The following RGS7 variants were observed in gnomAD, a reference collection of about 807,000 sequenced individuals.
RGS7 encodes the protein regulator of G protein signaling 7, also known as regulator of G-protein signaling 7.
A neutral mutation model predicts 81.1 loss-of-function variants in RGS7; 27 were observed. The ratio of observed to expected loss-of-function variants is 0.33; its 90% CI spans 0.25 to 0.46. RGS7 has a LOEUF of 0.46. RGS7 is among the 20% of genes least tolerant of loss of function. The pLI, the probability that RGS7 is intolerant of heterozygous loss-of-function variation, is 1.00. For missense variants in RGS7, 396 were observed against 607.4 expected, an observed-to-expected ratio of 0.65 and a Z score of 3.66; for synonymous variants, 208 against 207.7, an observed-to-expected ratio of 1.00 and a Z score of -0.01.
intron 2 of RGS7, among the ~76,000 whole-genome samples, chr1:241,101,248 C>T (rs2064714339): frequency 6.6e-6 from 1 of 152,188 alleles, no homozygotes; most frequent in Non-Finnish European, 1.5e-5. Context: ...GTAATCCCAG[C>T]ACTTTGGGAG....
chr1:240,834,488 C>T (rs1213173655), intron 9 of RGS7, among the ~76,000 whole-genome samples: 2 of 151,992 alleles, frequency 1.3e-5, no homozygotes, highest in Non-Finnish European at 2.9e-5. Context: ...TGGTTTAATT[C>T]TTTATTTTTA....
At chr1:240,961,384 G>T (rs1266227592) in intron 4 of RGS7, among the ~76,000 whole-genome samples, 2 of 152,052 alleles carry the variant, frequency 1.3e-5, no homozygotes, top group Admixed American at 6.6e-5. Context: ...TGTACATATG[G>T]ATGAATAACA....
chr1:241,336,155 A>G (rs920274327), intron 2 of RGS7, among the ~76,000 whole-genome samples: 4 of 152,118 alleles, frequency 2.6e-5, no homozygotes, highest in Non-Finnish European at 5.9e-5. Flanking sequence ...AGGAGTAGAG[A>G]GGCTAAAATA....
intron 2 of RGS7, among the ~76,000 whole-genome samples, chr1:241,213,512 G>C (rs2074372354): frequency 6.6e-6 from 1 of 152,166 alleles, no homozygotes. Flanking sequence ...GGAATTTTTA[G>C]TGCTCTTTTT....
At chr1:240,906,280 C>G (rs922333548) in intron 6 of RGS7, among the ~76,000 whole-genome samples, 18 of 152,266 alleles carry the variant, frequency 1.2e-4, no homozygotes, top group African/African-American at 4.3e-4. Flanking sequence ...ATTAAATGCC[C>G]TCCCAGGGTA....
chr1:241,114,049 G>T (rs974193820), intron 2 of RGS7, among the ~76,000 whole-genome samples: 1 of 152,082 alleles, frequency 6.6e-6, no homozygotes, highest in African/African-American at 2.4e-5. Flanking sequence ...TATCTTTTGG[G>T]AAACTGAGTA....
At chr1:241,343,143 C>T (rs1044467932) in intron 2 of RGS7, among the ~76,000 whole-genome samples, 4 of 151,814 alleles carry the variant, frequency 2.6e-5, no homozygotes, top group Admixed American at 6.6e-5. Flanking sequence ...GCACCTGTAG[C>T]CCCAGCTACT....
intron 3 of RGS7, among the ~76,000 whole-genome samples, chr1:241,019,009 C>A (rs1057029970): frequency 1.3e-5 from 2 of 152,086 alleles, no homozygotes; most frequent in Non-Finnish European, 2.9e-5. Flanking sequence ...CTTTCCCCTG[C>A]GAAGGCCATG....
intron 2 of RGS7, among the ~76,000 whole-genome samples, chr1:241,294,322 T>TG (rs768915324): frequency 2.0e-5 from 3 of 151,358 alleles, no homozygotes; most frequent in African/African-American, 4.9e-5. Flanking sequence ...ACCTAATGCA[T>TG]GGGGGCTTAA....
At chr1:240,835,199 A>C (rs1295059021) in intron 9 of RGS7, among the ~76,000 whole-genome samples, 1 of 152,192 alleles carries the variant, frequency 6.6e-6, no homozygotes, top group Non-Finnish European at 1.5e-5. Flanking sequence ...AAAAATAGGC[A>C]AGGTTATTAT....
intron 3 of RGS7, among the ~76,000 whole-genome samples, chr1:241,012,276 G>A (rs1361556271): frequency 1.3e-5 from 2 of 152,112 alleles, no homozygotes; most frequent in Non-Finnish European, 2.9e-5. Context: ...AGGTGAGACC[G>A]GAGGACCAAA....
intron 2 of RGS7, among the ~76,000 whole-genome samples, chr1:241,127,842 T>C (rs1020365665): frequency 3.3e-5 from 5 of 152,152 alleles, no homozygotes; most frequent in Non-Finnish European, 7.4e-5. Context: ...TCTCTTCAAA[T>C]GATTTAGTAT....
chr1:241,147,484 A>G (rs1206238874), intron 2 of RGS7, among the ~76,000 whole-genome samples: 2 of 152,100 alleles, frequency 1.3e-5, no homozygotes, highest in East Asian at 3.9e-4. Flanking sequence ...GACCTTGGGT[A>G]ACTCACTTTA....
chr1:240,908,126 C>A (rs1671128251), intron 6 of RGS7, among the ~76,000 whole-genome samples: 2 of 146,242 alleles, frequency 1.4e-5, no homozygotes, highest in Admixed American at 1.4e-4. Flanking sequence ...CATGTTCTCA[C>A]TCGTAGGTGG....
At chr1:241,160,552 C>T (rs921496820) in intron 2 of RGS7, among the ~76,000 whole-genome samples, 4 of 152,114 alleles carry the variant, frequency 2.6e-5, no homozygotes, top group Non-Finnish European at 4.4e-5. Context: ...AGGTGAAACA[C>T]GTAGCAGTCT....
At chr1:241,024,802 T>G (rs1194724769) in intron 3 of RGS7, among the ~76,000 whole-genome samples, 1 of 152,168 alleles carries the variant, frequency 6.6e-6, no homozygotes, top group Admixed American at 6.5e-5. Context: ...TGGGGATAAT[T>G]CAGGCCTGTT....
intron 4 of RGS7, among the ~76,000 whole-genome samples, chr1:240,968,660 A>G (rs1682724926): frequency 1.3e-5 from 2 of 152,152 alleles, no homozygotes; most frequent in Non-Finnish European, 2.9e-5. Flanking sequence ...TTTTAGACTC[A>G]TTATTTTTAA....
At chr1:241,262,000 C>A (rs1192318017) in intron 2 of RGS7, among the ~76,000 whole-genome samples, 1 of 148,290 alleles carries the variant, frequency 6.7e-6, no homozygotes, top group African/African-American at 2.4e-5. Flanking sequence ...TTTTTAAGAA[C>A]AGGTAGAAAA....
At chr1:240,893,270 T>C (rs1668548936) in intron 6 of RGS7, among the ~76,000 whole-genome samples, 1 of 152,218 alleles carries the variant, frequency 6.6e-6, no homozygotes, top group African/African-American at 2.4e-5. Context: ...TGACTCAGTT[T>C]TTCTTTGATT....
Sources: gnomAD v4.1 joint callset for allele counts (sites outside exome capture counted in the v4.1 genomes callset) on GRCh38, gnomAD v4.1.1 for gene constraint, MANE v1.5 for transcripts, NCBI Gene and HGNC (gene_info 2026-07-23, HGNC 2026-07-21) for gene names.